Variants in TECRL observed in about 807,000 individuals in gnomAD.
TECRL encodes the protein trans-2,3-enoyl-CoA reductase-like.
In TECRL, 63 loss-of-function variants were observed where a neutral mutation model predicts 52.8. That is an observed-to-expected ratio of 1.19 (90% CI 0.97 to 1.47). The LOEUF (loss-of-function observed/expected upper bound fraction) is 1.47, where lower values mean the gene tolerates loss of function less well. TECRL is among the 40% of genes most tolerant of loss of function. TECRL has a pLI of 0.00. For synonymous variants in TECRL, 164 were observed against 141.9 expected, an observed-to-expected ratio of 1.16 and a Z score of -1.10; for missense variants, 482 against 429.6, an observed-to-expected ratio of 1.12 and a Z score of -1.08.
intron 2 of TECRL, among the ~76,000 whole-genome samples, chr4:64,353,773 A>T (rs951964857): frequency 6.7e-6 from 1 of 149,456 alleles, no homozygotes; most frequent in South Asian, 2.2e-4. Flanking sequence ...TTTTTAAACC[A>T]TGCAAATGTT....
chr4:64,288,658 A>C (rs946002324), intron 9 of TECRL, among the ~76,000 whole-genome samples: 1 of 152,076 alleles, frequency 6.6e-6, no homozygotes, highest in Admixed American at 6.6e-5. Context: ...GCACTTCCCA[A>C]AGCCAAACTT....
Position 64,280,158 on chromosome 4 carries a change from A to C in TECRL, c.1006T>G (p.Trp336Gly), listed in dbSNP as rs757538239. Residue 336 changes from tryptophan to glycine, a missense_variant, in exon 12 of 12, where the codon TGG (tryptophan) becomes GGG (glycine). Coordinates refer to ENST00000381210, the MANE Select transcript of TECRL (RefSeq NM_001010874.5). The part of the protein sequence containing the change: ...TLLMSIQMSL[W>G]AQKKHKIYLR... ...TAAATCTTATGTTTCTTTTGTGCCCACAAAGACATCTGGATACTCATCAGA... is the reference window on the plus strand; with the variant it reads ...TAAATCTTATGTTTCTTTTGTGCCCCCAAAGACATCTGGATACTCATCAGA... The C allele has an allele frequency of 6.2e-7, 1 of 1,601,950 alleles. No individual in the cohort carries two copies. The highest frequency in any genetic ancestry group is 1.7e-4 in the Middle Eastern group (1 of 6,010).
intron 1 of TECRL, among the ~76,000 whole-genome samples, chr4:64,383,283 G>C (rs938325619): frequency 6.6e-6 from 1 of 151,924 alleles, no homozygotes; most frequent in African/African-American, 2.4e-5. Flanking sequence ...GCATCTTTAA[G>C]CTCCTGTATC....
In TECRL at chr4:64,334,404, C is replaced by G. The variant is rs146568600; in HGVS notation, c.287-5848G>C. Among the ~76,000 whole-genome samples, 19 of 152,194 alleles carry G rather than the reference C, an allele frequency of 1.2e-4. No individual in the cohort carries two copies. In the East Asian group the frequency reaches 3.5e-3, roughly 28 times the overall value. On this transcript the variant is annotated intron_variant, in intron 2 of 11. Transcript: ENST00000381210. ...TACCTACATAATTAAGTGATCAAGC[C>G]AGAATGAAACCAAGGATGCCAGTGA...
chr4:64,387,088 T>C (rs368283247), intron 1 of TECRL, among the ~76,000 whole-genome samples: 2 of 152,246 alleles, frequency 1.3e-5, no homozygotes, highest in African/African-American at 2.4e-5. Context: ...TCACACCCCA[T>C]CCCCACTGGC....
At chr4:64,335,624 G>A (rs1324510757) in intron 2 of TECRL, among the ~76,000 whole-genome samples, 1 of 152,102 alleles carries the variant, frequency 6.6e-6, no homozygotes, top group Non-Finnish European at 1.5e-5. Flanking sequence ...TGCTGCTTTA[G>A]GGCACTCATG....
Position 64,333,318 on chromosome 4 carries a change from A to T in TECRL, c.287-4762T>A, listed in dbSNP as rs1052599074. Among the ~76,000 whole-genome samples, 7 of 152,290 alleles carry T rather than the reference A, an allele frequency of 4.6e-5. No homozygotes were observed. The South Asian group carries it at 1.0e-3, about 23-fold the overall frequency. On this transcript the variant is annotated intron_variant, in intron 2 of 11. Coordinates refer to ENST00000381210, the MANE Select transcript of TECRL (RefSeq NM_001010874.5). ...CACTATTGAAAGAAAATGTAAAATA[A>T]GGACAAGTTTAATTTGACTAACAAG...
At chr4:64,282,401 G>A (rs1017234965) in intron 9 of TECRL, among the ~76,000 whole-genome samples, 10 of 151,960 alleles carry the variant, frequency 6.6e-5, no homozygotes, top group Non-Finnish European at 1.2e-4. Context: ...ATGTCAGTGT[G>A]TTGTTTTCAA....
At chr4:64,310,306 T>A (rs559036229) in intron 5 of TECRL, among the ~76,000 whole-genome samples, 18 of 152,310 alleles carry the variant, frequency 1.2e-4, no homozygotes, top group African/African-American at 4.3e-4. Context: ...ATCCAAAGCC[T>A]AGTTGGAATG....
chr4:64,284,371 G>T (rs1411714796), intron 9 of TECRL, among the ~76,000 whole-genome samples: 1 of 151,990 alleles, frequency 6.6e-6, no homozygotes, highest in African/African-American at 2.4e-5. Context: ...TTCTTTCTAT[G>T]CAAGGAATTT....
chr4:64,398,157 T>C (rs1294049928), intron 1 of TECRL, among the ~76,000 whole-genome samples: 1 of 152,194 alleles, frequency 6.6e-6, no homozygotes, highest in African/African-American at 2.4e-5. Context: ...TTTGAATTTG[T>C]ATCTATGTCC....
chr4:64,333,636 T>C lies in TECRL; in HGVS notation c.287-5080A>G, dbSNP rs527580187. 2.6e-5 allele frequency among the ~76,000 whole-genome samples: 4 copies of C among 152,288 alleles called. No individual in the cohort carries two copies. The East Asian group carries it at 7.7e-4, about 29-fold the overall frequency. On this transcript the variant is annotated intron_variant, in intron 2 of 11. Transcript: ENST00000381210. ...AGTATTCTTTGACTTTAAACCATCC[T>C]GCAAATTTAGGAAGAATGCACAAAA...
chr4:64,371,619 T>C (rs1445811423), intron 2 of TECRL, among the ~76,000 whole-genome samples: 1 of 151,752 alleles, frequency 6.6e-6, no homozygotes, highest in East Asian at 1.9e-4. Flanking sequence ...CACATTCATC[T>C]GCTTTTCTGT....
chr4:64,375,374 G>T (rs984750266), intron 1 of TECRL, 151 bp from the exon 2 acceptor site: 13 of 428,818 alleles, frequency 3.0e-5, no homozygotes, highest in Non-Finnish European at 5.4e-5. Flanking sequence ...ATTTTGACAA[G>T]CTTGAAATGT....
At chr4:64,297,234 T>A (rs1260885366) in intron 8 of TECRL, among the ~76,000 whole-genome samples, 1 of 151,434 alleles carries the variant, frequency 6.6e-6, no homozygotes, top group African/African-American at 2.4e-5. Flanking sequence ...GTCTACAAAA[T>A]AGATTAATCT....
At chr4:64,284,223 T>C (rs1457293305) in intron 9 of TECRL, among the ~76,000 whole-genome samples, 1 of 152,028 alleles carries the variant, frequency 6.6e-6, no homozygotes, top group Non-Finnish European at 1.5e-5. Flanking sequence ...CCTGGAAGCA[T>C]GAACAAAGCA....
chr4:64,348,263 A>AAAAATAAAGCAGAGAGG (rs1720132753), intron 2 of TECRL, among the ~76,000 whole-genome samples: 1 of 151,952 alleles, frequency 6.6e-6, no homozygotes, highest in African/African-American at 2.4e-5. Flanking sequence ...CAGAAGAGAG[A>AAAAATAAAGCAGAGAGG]GAAAAATAAA....
chr4:64,340,241 C>A (rs1719458568), intron 2 of TECRL, among the ~76,000 whole-genome samples: 1 of 152,176 alleles, frequency 6.6e-6, no homozygotes, highest in African/African-American at 2.4e-5. Context: ...CTGCAGCCAT[C>A]CAAACTGTGG....
chr4:64,385,394 A>AGT (rs1192071243), intron 1 of TECRL, among the ~76,000 whole-genome samples: 11 of 152,290 alleles, frequency 7.2e-5, no homozygotes, highest in African/African-American at 2.6e-4. Flanking sequence ...GCAATGTTGC[A>AGT]GTGGCTGCAA....
Sources: gnomAD v4.1 joint callset for allele counts (sites outside exome capture counted in the v4.1 genomes callset) on GRCh38, gnomAD v4.1.1 for gene constraint, MANE v1.5 for transcripts, NCBI Gene and HGNC (gene_info 2026-07-23, HGNC 2026-07-21) for gene names.